TANGO2: variants seen among roughly 807,000 people sequenced by gnomAD.
TANGO2 encodes the protein transport and golgi organization 2 homolog.
Under a neutral mutation model 39.1 loss-of-function variants are expected in TANGO2, and 26 were observed. The ratio of observed to expected loss-of-function variants is 0.67; its 90% CI spans 0.49 to 0.92. TANGO2 has a LOEUF of 0.92. Ranked by LOEUF, TANGO2 falls within the 40% of genes least tolerant of loss-of-function variation. The pLI is 0.00. For synonymous variants in TANGO2, 131 were observed against 144.5 expected, an observed-to-expected ratio of 0.91 and a Z score of 0.67; for missense variants, 326 against 360.1, an observed-to-expected ratio of 0.91 and a Z score of 0.77.
chr22:20,045,035 A>G (rs2044841636), intron 3 of TANGO2, among the ~76,000 whole-genome samples: 1 of 152,134 alleles, frequency 6.6e-6, no homozygotes, highest in African/African-American at 2.4e-5. Context: ...TAAGGCCCAC[A>G]TCCTCTCACT....
At chr22:20,064,438 G>A in intron 8 of TANGO2, 104 bp from the exon 9 acceptor site, 1 of 1,436,910 alleles carries the variant, frequency 7.0e-7, no homozygotes, top group Admixed American at 1.8e-5. Context: ...CCAGGCATGG[G>A]GTTCCTAACT....
chr22:20,037,235 CA>C (rs2043024999), intron 2 of TANGO2: 1 of 1,006,514 alleles, frequency 9.9e-7, no homozygotes, highest in Non-Finnish European at 1.4e-6. Context: ...GGTGAGAAGT[CA>C]AAGTGGCGGC....
At chr22:20,022,192 C>T (rs1011697190) in intron 1 of TANGO2, among the ~76,000 whole-genome samples, 10 of 152,252 alleles carry the variant, frequency 6.6e-5, no homozygotes. Context: ...ACAAGGAAAA[C>T]TCAGGCTAAG....
At chr22:20,052,354 C>T (rs1168165639) in intron 3 of TANGO2, 111 bp from the exon 4 acceptor site, 15 of 1,473,966 alleles carry the variant, frequency 1.0e-5, no homozygotes, top group Non-Finnish European at 1.3e-5. Context: ...CGAACGTCCT[C>T]GAGGAGCTTG....
intron 2 of TANGO2, among the ~76,000 whole-genome samples, chr22:20,040,581 C>T (rs2043709706): frequency 6.6e-6 from 1 of 152,226 alleles, no homozygotes; most frequent in Non-Finnish European, 1.5e-5. Flanking sequence ...TCATCCCAGA[C>T]CCTGGCACAT....
chr22:20,044,206 G>T (rs1202039676), intron 3 of TANGO2, among the ~76,000 whole-genome samples: 1 of 152,220 alleles, frequency 6.6e-6, no homozygotes, highest in Non-Finnish European at 1.5e-5. Flanking sequence ...GGCCCATGGA[G>T]GCTGTGTGTG....
intron 1 of TANGO2, among the ~76,000 whole-genome samples, chr22:20,027,859 C>G (rs2041078327): frequency 1.3e-5 from 2 of 152,016 alleles, no homozygotes; most frequent in South Asian, 2.1e-4. Flanking sequence ...AGTGAAGTGG[C>G]ACAATCTCGG....
At chr22:20,040,305 G>A (rs2043662095) in intron 2 of TANGO2, among the ~76,000 whole-genome samples, 1 of 152,160 alleles carries the variant, frequency 6.6e-6, no homozygotes, top group South Asian at 2.1e-4. Context: ...AACATCTTAG[G>A]ACAAAAGTCC....
intron 3 of TANGO2, among the ~76,000 whole-genome samples, 187 bp from the exon 4 acceptor site, chr22:20,052,278 G>A (rs933374955): frequency 6.6e-6 from 1 of 152,242 alleles, no homozygotes; most frequent in Admixed American, 6.5e-5. Context: ...AACCCCAGGG[G>A]CTGCCTGGCC....
chr22:20,038,925 G>GT (rs11361190), intron 2 of TANGO2, among the ~76,000 whole-genome samples: 9 of 142,810 alleles, frequency 6.3e-5, no homozygotes, highest in South Asian at 2.3e-4. Context: ...AGGCCACTAT[G>GT]TTTTTTTTTT....
intron 1 of TANGO2, among the ~76,000 whole-genome samples, chr22:20,032,108 C>T (rs2041975846): frequency 6.6e-6 from 1 of 152,262 alleles, no homozygotes; most frequent in African/African-American, 2.4e-5. Context: ...ATCTTCCCAC[C>T]TGTGGTGCCC....
At chr22:20,026,521 T>C (rs2040796805) in intron 1 of TANGO2, among the ~76,000 whole-genome samples, 1 of 152,214 alleles carries the variant, frequency 6.6e-6, no homozygotes, top group Non-Finnish European at 1.5e-5. Flanking sequence ...ACAGTAATGA[T>C]GGGAAAATCC....
chr22:20,025,855 G>A (rs901167264), intron 1 of TANGO2, among the ~76,000 whole-genome samples: 1 of 152,178 alleles, frequency 6.6e-6, no homozygotes, highest in African/African-American at 2.4e-5. Context: ...AATAGCCAAG[G>A]GGGACAGTCT....
At chr22:20,018,034 C>T (rs1483732440), upstream of TANGO2, among the ~76,000 whole-genome samples, 1 of 152,224 alleles carries the variant, frequency 6.6e-6, no homozygotes, top group African/African-American at 2.4e-5. Flanking sequence ...ACACTCTTGT[C>T]TTATCCACCC....
intron 8 of TANGO2, among the ~76,000 whole-genome samples, chr22:20,064,319 G>A (rs978992864): frequency 6.6e-6 from 1 of 152,178 alleles, no homozygotes; most frequent in African/African-American, 2.4e-5. Flanking sequence ...AAGGTGGCAG[G>A]ACTCAGCAAG....
intron 3 of TANGO2, among the ~76,000 whole-genome samples, chr22:20,046,214 T>C (rs1602133916): frequency 1.3e-5 from 2 of 152,156 alleles, no homozygotes; most frequent in East Asian, 3.8e-4. Flanking sequence ...GGCACAATCC[T>C]GTCTCACTGC....
upstream of TANGO2, among the ~76,000 whole-genome samples, chr22:20,019,761 C>A (rs1960147268): frequency 6.6e-6 from 1 of 152,248 alleles, no homozygotes; most frequent in Non-Finnish European, 1.5e-5. Context: ...CACCTCTTGG[C>A]CCTATAGATT....
chr22:20,026,372 T>C (rs1299554417), intron 1 of TANGO2, among the ~76,000 whole-genome samples: 1 of 147,776 alleles, frequency 6.8e-6, no homozygotes, highest in Non-Finnish European at 1.5e-5. Flanking sequence ...AACTCCAGCC[T>C]GGGCGACATA....
intron 1 of TANGO2, among the ~76,000 whole-genome samples, chr22:20,022,906 G>A (rs1171149687): frequency 6.6e-6 from 1 of 152,230 alleles, no homozygotes; most frequent in Non-Finnish European, 1.5e-5. Flanking sequence ...CCCATCCTTT[G>A]GTGACGTGTC....
Sources: gnomAD v4.1 joint callset for allele counts (sites outside exome capture counted in the v4.1 genomes callset) on GRCh38, gnomAD v4.1.1 for gene constraint, MANE v1.5 for transcripts, NCBI Gene and HGNC (gene_info 2026-07-23, HGNC 2026-07-21) for gene names.